Variants in HDAC8 observed in about 807,000 individuals in gnomAD.
The protein encoded by HDAC8 is histone deacetylase 8.
In HDAC8, 1 loss-of-function variant was observed where a neutral mutation model predicts 32.2. The observed-to-expected ratio is 0.03, with a 90% CI of 0.01 to 0.15. The LOEUF (loss-of-function observed/expected upper bound fraction) is 0.15, where lower values mean the gene tolerates loss of function less well. Ranked by LOEUF, HDAC8 falls within the 10% of genes least tolerant of loss-of-function variation. The pLI is 1.00. For missense variants in HDAC8, 117 were observed against 300.0 expected (o/e 0.39, Z 4.51); for synonymous variants, 108 against 113.9 (o/e 0.95, Z 0.33).
intron 4 of HDAC8, among the ~76,000 whole-genome samples, chrX:72,536,091 G>A (rs781961449): frequency 1.1e-3 from 122 of 111,434 alleles, no homozygotes; most frequent in Non-Finnish European, 1.9e-3. Flanking sequence ...TATCTTCTGT[G>A]GGCTCCTTTT....
At chrX:72,475,964 A>G (rs1201640965) in intron 7 of HDAC8, among the ~76,000 whole-genome samples, 1 of 111,478 alleles carries the variant, frequency 9.0e-6, no homozygotes, top group Non-Finnish European at 1.9e-5. Flanking sequence ...CATAGATTCT[A>G]ACGGGCATTC....
Position 72,370,871 on chromosome X carries a change from T to C in HDAC8, c.1006-19033A>G, listed in dbSNP as rs781845746. ...CTGCCTGCTTATATTCTAGCTGCGC[T>C]GGCAGCTGATTAGATTGTGTCCACC... On this transcript the variant is annotated intron_variant, in intron 9 of 10. Coordinates refer to ENST00000373573, the MANE Select transcript of HDAC8 (RefSeq NM_018486.3). Among the ~76,000 whole-genome samples, 199 of 112,034 alleles carry C rather than the reference T, an allele frequency of 1.8e-3. 1 individual carries two copies. The highest frequency in any genetic ancestry group is 6.3e-3 in the African/African-American group (196 of 30,869).
At chrX:72,445,162 C>T (rs1397843178) in intron 9 of HDAC8, among the ~76,000 whole-genome samples, 1 of 110,199 alleles carries the variant, frequency 9.1e-6, no homozygotes, top group African/African-American at 3.3e-5. Context: ...TGACTTTCCT[C>T]ACAGAATTGG....
At position 72,329,768 on chromosome X, in the gene HDAC8, A is replaced by G. The variant is rs1283469131; in HGVS notation, c.*286T>C. ...CCCCTCCCCAATTCGCTTAAAAATA[A>G]TTTTCAAAGATTAAAAATTTCATTT... is the stretch of plus-strand genomic sequence containing the variant. On this transcript the variant is annotated 3_prime_UTR_variant, in exon 11 of 11. Coordinates refer to ENST00000373573, the MANE Select transcript of HDAC8 (RefSeq NM_018486.3). 5.3e-6 allele frequency: 6 copies of G among 1,126,148 alleles called. No individual in the cohort carries two copies. Among genetic ancestry groups the G allele is most frequent in the East Asian group, 3.3e-5 (1 of 30,559 alleles). The allele number at this position is 1,126,148 out of a possible 1,213,427, so 92.8% of individuals were successfully genotyped here.
chrX:72,486,312 A>T (rs2048675774), intron 7 of HDAC8, among the ~76,000 whole-genome samples: 1 of 111,135 alleles, frequency 9.0e-6, no homozygotes, highest in African/African-American at 3.3e-5. Flanking sequence ...AATGCCTGGG[A>T]CTGAGTGATC....
intron 9 of HDAC8, among the ~76,000 whole-genome samples, chrX:72,368,188 C>A (rs2044756165): frequency 1.8e-5 from 2 of 111,629 alleles, no homozygotes; most frequent in Non-Finnish European, 3.8e-5. Flanking sequence ...GTCACACCTG[C>A]CTGCCTTTCC....
chrX:72,543,277 G>T (rs782655862), intron 4 of HDAC8, among the ~76,000 whole-genome samples: 5 of 111,448 alleles, frequency 4.5e-5, no homozygotes, highest in East Asian at 2.8e-4. Flanking sequence ...GGATGGAGGG[G>T]TATAGTGAGT....
At chrX:72,444,419 G>A (rs1316942216) in intron 9 of HDAC8, among the ~76,000 whole-genome samples, 1 of 111,586 alleles carries the variant, frequency 9.0e-6, no homozygotes, top group Admixed American at 9.5e-5. Context: ...CATATAAACA[G>A]AACCAAAGAC....
intron 9 of HDAC8, among the ~76,000 whole-genome samples, chrX:72,385,959 C>G (rs1265090387): frequency 3.6e-5 from 4 of 112,286 alleles, no homozygotes; most frequent in Non-Finnish European, 7.5e-5. Context: ...CCAGCAATTC[C>G]ATTTGCAGGT....
intron 9 of HDAC8, among the ~76,000 whole-genome samples, chrX:72,441,008 G>C (rs922308577): frequency 1.1e-4 from 12 of 113,181 alleles, no homozygotes; most frequent in Non-Finnish European, 3.7e-5. Context: ...GCCCAGGCTT[G>C]CTTAGGTAAA....
intron 9 of HDAC8, among the ~76,000 whole-genome samples, chrX:72,390,178 C>T (rs1313957432): frequency 9.0e-6 from 1 of 111,354 alleles, no homozygotes; most frequent in African/African-American, 3.3e-5. Context: ...GTGTTATGAA[C>T]ATTCCAGTTG....
At chrX:72,559,056 C>A (rs2051392527) in intron 4 of HDAC8, among the ~76,000 whole-genome samples, 1 of 49,709 alleles carries the variant, frequency 2.0e-5, no homozygotes, top group Admixed American at 2.3e-4. Context: ...CCCCCTCCCC[C>A]CCTCCCCCTC....
At chrX:72,546,636 A>G (rs2050872138) in intron 4 of HDAC8, among the ~76,000 whole-genome samples, 1 of 111,028 alleles carries the variant, frequency 9.0e-6, no homozygotes, top group South Asian at 3.9e-4. Flanking sequence ...GGGAATTTAC[A>G]TGGAACAAGA....
At chrX:72,419,150 C>T (rs1226537106) in intron 9 of HDAC8, among the ~76,000 whole-genome samples, 2 of 111,170 alleles carry the variant, frequency 1.8e-5, no homozygotes, top group South Asian at 3.7e-4. Context: ...TTTTTCCATT[C>T]GTGTCAAAAG....
chrX:72,425,664 G>C (rs1555975180), intron 9 of HDAC8, among the ~76,000 whole-genome samples: 6 of 111,671 alleles, frequency 5.4e-5, no homozygotes, highest in Non-Finnish European at 1.1e-4. Context: ...GATCATTTAA[G>C]GTAGCTCAAG....
intron 10 of HDAC8, among the ~76,000 whole-genome samples, chrX:72,333,195 T>C (rs2043580724): frequency 8.9e-6 from 1 of 111,769 alleles, no homozygotes; most frequent in Non-Finnish European, 1.9e-5. Flanking sequence ...AGTTCACGCC[T>C]TCTCCACATC....
intron 9 of HDAC8, among the ~76,000 whole-genome samples, chrX:72,410,252 T>C (rs1386403406): frequency 9.0e-6 from 1 of 110,729 alleles, no homozygotes; most frequent in African/African-American, 3.3e-5. Flanking sequence ...GAAGGGTGAT[T>C]GGAAACACCG....
At chrX:72,370,193 GC>G (rs1318511944) in intron 9 of HDAC8, among the ~76,000 whole-genome samples, 1 of 112,189 alleles carries the variant, frequency 8.9e-6, no homozygotes, top group East Asian at 2.8e-4. Flanking sequence ...TTTCCATAAG[GC>G]CTGAAATTTT....
chrX:72,455,480 C>G (rs781880220), intron 9 of HDAC8, among the ~76,000 whole-genome samples: 1 of 111,446 alleles, frequency 9.0e-6, no homozygotes, highest in Non-Finnish European at 1.9e-5. Flanking sequence ...GCTTAACTAG[C>G]CACATTTTTC....
Sources: gnomAD v4.1 joint callset for allele counts (sites outside exome capture counted in the v4.1 genomes callset) on GRCh38, gnomAD v4.1.1 for gene constraint, MANE v1.5 for transcripts, NCBI Gene and HGNC (gene_info 2026-07-23, HGNC 2026-07-21) for gene names.